MARCHF10: variants seen among roughly 807,000 people sequenced by gnomAD.
The protein encoded by MARCHF10 is probable E3 ubiquitin-protein ligase MARCHF10.
A neutral mutation model predicts 76.2 loss-of-function variants in MARCHF10; 64 were observed. The ratio of observed to expected loss-of-function variants is 0.84; its 90% CI spans 0.69 to 1.03. The LOEUF is 1.03. MARCHF10 is among the 50% of genes least tolerant of loss of function. The pLI is 0.00. For synonymous variants in MARCHF10, 340 were observed against 357.5 expected (o/e 0.95, Z 0.55); for missense variants, 875 against 958.0 (o/e 0.91, Z 1.14).
chr17:62,725,090 TC>T lies in MARCHF10; in HGVS notation c.1951del (p.Asp651ThrfsTer14). 1.9e-6 allele frequency: 3 copies of T among 1,599,068 alleles called. No individual in the cohort carries two copies. Among genetic ancestry groups the T allele is most frequent in the Non-Finnish European group, 2.6e-6 (3 of 1,175,010 alleles). On this transcript the variant is annotated frameshift_variant, in exon 7 of 11. Coordinates refer to ENST00000311269, the MANE Select transcript of MARCHF10 (RefSeq NM_152598.4). LOFTEE classifies it high-confidence loss of function. Reference protein sequence around the residue: ...KKLQESLLEEDSEEEGDLCRI... With the variant: ...KKLQESLLEEXSEEEGDLCRI... The stretch of plus-strand genomic sequence containing the variant: ...ACACAAGTCTCCCTCCTCCTCGGAG[TC>T]CTCCTCCAGGAGACTAAATGTGAAA...
At chr17:62,707,269 CT>C (rs894849142) in intron 9 of MARCHF10, among the ~76,000 whole-genome samples, 5 of 152,224 alleles carry the variant, frequency 3.3e-5, no homozygotes, top group Non-Finnish European at 7.3e-5. Context: ...GCCCCACTCC[CT>C]GCCTGCACCT....
At chr17:62,715,743 T>A (rs2090160088) in intron 8 of MARCHF10, among the ~76,000 whole-genome samples, 4 of 152,182 alleles carry the variant, frequency 2.6e-5, no homozygotes, top group Non-Finnish European at 5.9e-5. Flanking sequence ...CTCCAGATGC[T>A]TGTAGGAGTT....
intron 10 of MARCHF10, among the ~76,000 whole-genome samples, chr17:62,702,429 CG>C (rs568417334): frequency 7.7e-5 from 10 of 130,488 alleles, no homozygotes; most frequent in East Asian, 2.2e-4. Flanking sequence ...GGGCGGGGGG[CG>C]GGGGGCGGCG....
chr17:62,713,607 C>T (rs921978425), intron 8 of MARCHF10, among the ~76,000 whole-genome samples: 4 of 152,202 alleles, frequency 2.6e-5, no homozygotes, highest in African/African-American at 4.8e-5. Context: ...TAGTCAACTC[C>T]GAATCAGCCT....
chr17:62,716,734 C>A (rs1358119181), intron 8 of MARCHF10, among the ~76,000 whole-genome samples: 7 of 150,620 alleles, frequency 4.6e-5, no homozygotes, highest in Non-Finnish European at 7.4e-5. Context: ...ATAAGAAAAA[C>A]AGTTCACTAG....
chr17:62,803,464 G>C lies in MARCHF10; in HGVS notation c.-17-1712C>G, dbSNP rs369976867. ...ACCAGCATCGGGTAGCAACAGTGGA[G>C]AGAAAAAGGAGGAGGAGGTGGAGGA... On this transcript the variant is annotated intron_variant, in intron 1 of 10. Coordinates refer to ENST00000311269, the MANE Select transcript of MARCHF10 (RefSeq NM_152598.4). Among the ~76,000 whole-genome samples, 7 of 152,160 alleles carry C rather than the reference G, an allele frequency of 4.6e-5. No homozygotes were observed. In the South Asian group the frequency reaches 6.2e-4, roughly 14 times the overall value.
chr17:62,714,926 A>G (rs1476850389), intron 8 of MARCHF10, among the ~76,000 whole-genome samples: 2 of 152,110 alleles, frequency 1.3e-5, no homozygotes, highest in Non-Finnish European at 1.5e-5. Context: ...TTGTATTTTT[A>G]GTAGAGACGG....
At chr17:62,780,110 A>C (rs1055989160) in intron 3 of MARCHF10, among the ~76,000 whole-genome samples, 4 of 151,708 alleles carry the variant, frequency 2.6e-5, no homozygotes, top group African/African-American at 9.7e-5. Flanking sequence ...AAAAAAACAA[A>C]CCAAAAAACA....
chr17:62,792,148 C>A (rs1220187733), intron 2 of MARCHF10, among the ~76,000 whole-genome samples: 1 of 151,978 alleles, frequency 6.6e-6, no homozygotes, highest in Non-Finnish European at 1.5e-5. Context: ...TAGTGCGTCC[C>A]CCTGACTACA....
chr17:62,713,073 GC>G (rs1298333945), intron 8 of MARCHF10, among the ~76,000 whole-genome samples: 1 of 152,016 alleles, frequency 6.6e-6, no homozygotes, highest in Non-Finnish European at 1.5e-5. Flanking sequence ...GCCTCCTCCT[GC>G]CCTCCCCGTG....
intron 6 of MARCHF10, chr17:62,725,948 C>A (rs1287621361): frequency 6.6e-6 from 1 of 152,288 alleles, no homozygotes; most frequent in African/African-American, 2.4e-5. Flanking sequence ...CAATGAGGAA[C>A]CTGTTCTGCA....
At chr17:62,780,459 C>T (rs191643997) in intron 3 of MARCHF10, among the ~76,000 whole-genome samples, 1 of 152,292 alleles carries the variant, frequency 6.6e-6, no homozygotes, top group African/African-American at 2.4e-5. Flanking sequence ...ACCTTGCTTG[C>T]TGGTACAGTC....
At chr17:62,789,485 G>A (rs2092806153) in intron 2 of MARCHF10, among the ~76,000 whole-genome samples, 1 of 152,192 alleles carries the variant, frequency 6.6e-6, no homozygotes, top group Non-Finnish European at 1.5e-5. Flanking sequence ...GAGTTGCAAT[G>A]TATATTAATT....
At chr17:62,792,823 C>A (rs2092883556) in intron 2 of MARCHF10, among the ~76,000 whole-genome samples, 1 of 137,776 alleles carries the variant, frequency 7.3e-6, no homozygotes. Context: ...ACCACCACCA[C>A]CTCCACTGCC....
At chr17:62,747,816 A>C (rs768252556) in intron 4 of MARCHF10, among the ~76,000 whole-genome samples, 2 of 152,206 alleles carry the variant, frequency 1.3e-5, no homozygotes, top group African/African-American at 4.8e-5. Context: ...CTTCTTTTAT[A>C]AAATCCAAAA....
intron 3 of MARCHF10, among the ~76,000 whole-genome samples, chr17:62,773,493 G>C (rs900127313): frequency 3.9e-5 from 6 of 152,210 alleles, no homozygotes; most frequent in African/African-American, 1.4e-4. Flanking sequence ...CTGTGAAGGG[G>C]AAGAAATAAG....
intron 8 of MARCHF10, among the ~76,000 whole-genome samples, chr17:62,715,173 G>A (rs2090132420): frequency 6.6e-6 from 1 of 152,224 alleles, no homozygotes; most frequent in Admixed American, 6.5e-5. Context: ...CCATTTTTGA[G>A]AACCACTGAT....
At chr17:62,766,294 A>G (rs979444961) in intron 3 of MARCHF10, among the ~76,000 whole-genome samples, 1 of 152,138 alleles carries the variant, frequency 6.6e-6, no homozygotes, top group East Asian at 1.9e-4. Context: ...TGAGGTTGGG[A>G]GTTCAAGACC....
At chr17:62,756,148 T>C (rs566953090) in intron 4 of MARCHF10, among the ~76,000 whole-genome samples, 2 of 152,274 alleles carry the variant, frequency 1.3e-5, no homozygotes, top group East Asian at 3.9e-4. Flanking sequence ...CTCGGGAGGC[T>C]GAGGCAGGAT....
Sources: allele counts gnomAD v4.1 joint callset (sites outside exome capture counted in the v4.1 genomes callset), GRCh38; gene constraint gnomAD v4.1.1; transcripts MANE v1.5; gene names NCBI Gene and HGNC (gene_info 2026-07-23, HGNC 2026-07-21).